Variants in ANO2 observed in about 807,000 individuals in gnomAD.
ANO2 encodes anoctamin 2.
ANO2 carries 101 observed loss-of-function variants against 124.2 expected under a neutral mutation model. The ratio of observed to expected loss-of-function variants is 0.81; its 90% confidence interval spans 0.69 to 0.96. The LOEUF (loss-of-function observed/expected upper bound fraction) is 0.96. Ranked by LOEUF, ANO2 falls within the 40% of genes least tolerant of loss-of-function variation. The probability of loss-of-function intolerance (pLI) is 0.00; values close to 1 mark genes in which losing one functional copy is unlikely to be tolerated. For missense variants in ANO2, 1,293 were observed against 1,274.5 expected (o/e 1.01, Z -0.22); for synonymous variants, 486 against 482.5 (o/e 1.01, Z -0.09).
At chr12:5,826,277 T>A (rs1473718014) in intron 7 of ANO2, among the ~76,000 whole-genome samples, 1 of 152,060 alleles carries the variant, frequency 6.6e-6, no homozygotes, top group Non-Finnish European at 1.5e-5. Flanking sequence ...TCAGGAGATG[T>A]GTATGGGTTC....
chr12:5,864,561 T>C (rs1229137653), intron 3 of ANO2, among the ~76,000 whole-genome samples: 1 of 152,212 alleles, frequency 6.6e-6, no homozygotes, highest in Non-Finnish European at 1.5e-5. Flanking sequence ...GCAATGGGTG[T>C]GCCTCTCCCT....
At chr12:5,610,607 TTATATATGTATATA>T (rs985260506) in intron 19 of ANO2, among the ~76,000 whole-genome samples, 10 of 142,414 alleles carry the variant, frequency 7.0e-5, no homozygotes, top group Non-Finnish European at 1.4e-4. Context: ...ATATTTATAT[TTATATATGTATATA>T]TTTATATATA....
intron 4 of ANO2, among the ~76,000 whole-genome samples, chr12:5,838,346 A>G (rs1954395000): frequency 6.6e-6 from 1 of 152,182 alleles, no homozygotes; most frequent in Non-Finnish European, 1.5e-5. Flanking sequence ...ACCTCATGGT[A>G]ACATCAACTG....
In ANO2 at chr12:5,627,532, C is replaced by T. The variant is rs116678483; in HGVS notation, c.1816+7620G>A. Among the ~76,000 whole-genome samples the T allele has an allele frequency of 5.8e-3, 886 of 152,350 alleles. 12 individuals carry two copies. Among genetic ancestry groups the T allele is most frequent in the African/African-American group, 0.018 (758 of 41,578 alleles). On this transcript the variant is annotated intron_variant, in intron 16 of 24. Coordinates refer to ENST00000682330, the MANE Select transcript of ANO2 (RefSeq NM_001364791.2). ...CAGGCTCCGCTGCAGAGAGCAGACC[C>T]CCCATCCCAGAGCACTGCATCCAAT...
intron 15 of ANO2, among the ~76,000 whole-genome samples, chr12:5,643,329 T>C (rs998439895): frequency 2.0e-5 from 3 of 152,248 alleles, no homozygotes; most frequent in African/African-American, 7.2e-5. Context: ...TCAAACTGTA[T>C]ATATTCTTTC....
intron 7 of ANO2, among the ~76,000 whole-genome samples, chr12:5,813,848 T>A (rs1330443437): frequency 1.3e-4 from 20 of 152,152 alleles, no homozygotes; most frequent in Admixed American, 1.3e-3. Context: ...GAAAGAAGCT[T>A]AGAGAGCACT....
intron 9 of ANO2, among the ~76,000 whole-genome samples, chr12:5,803,967 A>G (rs2137169268): frequency 6.6e-6 from 1 of 152,314 alleles, no homozygotes; most frequent in Non-Finnish European, 1.5e-5. Context: ...GTGAAGGAGA[A>G]CATCCAGGTG....
intron 10 of ANO2, among the ~76,000 whole-genome samples, chr12:5,780,761 A>T (rs1952366919): frequency 6.6e-6 from 1 of 152,174 alleles, no homozygotes; most frequent in Non-Finnish European, 1.5e-5. Flanking sequence ...TGCGAGTCTT[A>T]AATCAAAGTT....
chr12:5,575,717 TG>T (rs1942360408), intron 23 of ANO2, 116 bp downstream of exon 23: 1 of 1,163,570 alleles, frequency 8.6e-7, no homozygotes, highest in Admixed American at 2.6e-5. Context: ...ATATGTGGTC[TG>T]CTGTTGTCCA....
At chr12:5,785,890 G>A (rs1025473832) in intron 10 of ANO2, among the ~76,000 whole-genome samples, 3 of 152,146 alleles carry the variant, frequency 2.0e-5, no homozygotes, top group African/African-American at 7.2e-5. Context: ...TCCATTCATC[G>A]TCCAGAGCTC....
At chr12:5,945,163 G>A (rs1282040353) in intron 1 of ANO2, 33 bp downstream of exon 1, 1 of 1,287,998 alleles carries the variant, frequency 7.8e-7, no homozygotes, top group Non-Finnish European at 1.0e-6. Context: ...CCACCTGTAG[G>A]AGACCAGGAC....
chr12:5,585,373 G>A (rs1943056208), intron 20 of ANO2, among the ~76,000 whole-genome samples: 2 of 152,148 alleles, frequency 1.3e-5, no homozygotes, highest in Non-Finnish European at 1.5e-5. Flanking sequence ...GAAGGGACAG[G>A]CTTGAAGTCA....
intron 20 of ANO2, among the ~76,000 whole-genome samples, chr12:5,599,160 AAT>A (rs1943807157): frequency 1.3e-5 from 2 of 152,174 alleles, no homozygotes; most frequent in Admixed American, 6.5e-5. Context: ...CTTTATCAAT[AAT>A]AGAAACCATG....
chr12:5,643,180 C>T (rs1404100105), intron 15 of ANO2, among the ~76,000 whole-genome samples: 2 of 152,134 alleles, frequency 1.3e-5, no homozygotes, highest in African/African-American at 4.8e-5. Context: ...ATCTCCCATC[C>T]CTGCTGCTCC....
At chr12:5,578,668 T>C (rs1025322559) in intron 20 of ANO2, 150 bp from the exon 21 acceptor site, 17 of 785,962 alleles carry the variant, frequency 2.2e-5, no homozygotes, top group Middle Eastern at 3.8e-4. Flanking sequence ...CTGTGTCACA[T>C]ACACGGTATT....
intron 19 of ANO2, among the ~76,000 whole-genome samples, chr12:5,607,151 G>A (rs1291937132): frequency 2.0e-5 from 3 of 151,484 alleles, no homozygotes; most frequent in Non-Finnish European, 4.4e-5. Context: ...AGGTACATAA[G>A]AGCTGTACTG....
chr12:5,792,024 C>A (rs1297734400), intron 10 of ANO2, among the ~76,000 whole-genome samples: 1 of 152,108 alleles, frequency 6.6e-6, no homozygotes, highest in Non-Finnish European at 1.5e-5. Flanking sequence ...TTTAGACCTA[C>A]AGCCATCATC....
intron 3 of ANO2, among the ~76,000 whole-genome samples, chr12:5,887,872 T>C (rs1939055027): frequency 6.6e-6 from 1 of 151,808 alleles, no homozygotes; most frequent in Non-Finnish European, 1.5e-5. Context: ...TGAAGTTTTA[T>C]GAGAGAGAGA....
chr12:5,850,566 A>G (rs117249340), intron 4 of ANO2, among the ~76,000 whole-genome samples: 1 of 152,156 alleles, frequency 6.6e-6, no homozygotes, highest in South Asian at 2.1e-4. Context: ...GGGGGCAATC[A>G]CATGCTTTGC....
Sources: gnomAD v4.1 joint callset for allele counts (sites outside exome capture counted in the v4.1 genomes callset) on GRCh38, gnomAD v4.1.1 for gene constraint, MANE v1.5 for transcripts, NCBI Gene and HGNC (gene_info 2026-07-23, HGNC 2026-07-21) for gene names.